The following SNTB1 variants were observed in gnomAD, a reference collection of about 807,000 sequenced individuals.
SNTB1 encodes the protein syntrophin beta 1.
SNTB1 carries 36 observed loss-of-function variants against 48.9 expected under a neutral mutation model. The observed-to-expected ratio is 0.74, with a 90% CI of 0.56 to 0.97. SNTB1 has a LOEUF of 0.97. Ranked by LOEUF, SNTB1 falls within the 50% of genes least tolerant of loss-of-function variation. The pLI is 0.00. For missense variants in SNTB1, 786 were observed against 703.4 expected (o/e 1.12, Z -1.33); for synonymous variants, 299 against 294.6 (o/e 1.01, Z -0.15).
At position 120,548,718 on chromosome 8, in the gene SNTB1, C is replaced by T. The variant is rs556927011; in HGVS notation, c.1333+44G>A. 7.6e-6 allele frequency: 12 copies of T among 1,582,218 alleles called. No individual in the cohort carries two copies. In the Middle Eastern group the frequency reaches 5.0e-4, roughly 66 times the overall value. On this transcript the variant is annotated intron_variant, in intron 5 of 6. Coordinates refer to ENST00000517992, the MANE Select transcript of SNTB1 (RefSeq NM_021021.4). ...GGCCCCGGTGGAGTAGAGGGTTCAT[C>T]TTCCCGTAACAATGTGTCCTTGGTA...
chr8:120,711,873 A>G (rs572249754), intron 1 of SNTB1, among the ~76,000 whole-genome samples: 1 of 152,086 alleles, frequency 6.6e-6, no homozygotes, highest in Non-Finnish European at 1.5e-5. Context: ...GAAAACATTC[A>G]TTTTCTTTTC....
At chr8:120,680,943 A>AAGTC (rs10699786) in intron 2 of SNTB1, among the ~76,000 whole-genome samples, 22,655 of 151,924 alleles carry the variant, frequency 0.15, 3,160 homozygotes, top group African/African-American at 0.37. Context: ...TGTATTGATG[A>AAGTC]AGTCATAGAA....
At chr8:120,618,270 T>C (rs1212178707) in intron 3 of SNTB1, among the ~76,000 whole-genome samples, 3 of 152,216 alleles carry the variant, frequency 2.0e-5, no homozygotes, top group African/African-American at 7.2e-5. Context: ...CCTCATTTGT[T>C]TGTGAGTTCC....
intron 2 of SNTB1, among the ~76,000 whole-genome samples, chr8:120,658,481 T>A (rs1237008334): frequency 6.6e-6 from 1 of 152,184 alleles, no homozygotes; most frequent in Non-Finnish European, 1.5e-5. Context: ...CACAATAAAG[T>A]AAATATGACC....
chr8:120,598,770 G>C (rs557021145), intron 3 of SNTB1, among the ~76,000 whole-genome samples: 1 of 152,308 alleles, frequency 6.6e-6, no homozygotes, highest in Admixed American at 6.5e-5. Flanking sequence ...TCCTCTAGGG[G>C]AGAGCCCTTT....
chr8:120,687,050 C>T (rs1308181187), intron 2 of SNTB1, among the ~76,000 whole-genome samples: 3 of 152,156 alleles, frequency 2.0e-5, no homozygotes, highest in Middle Eastern at 6.8e-3. Context: ...TCTTCATTCT[C>T]GATGCACTAA....
At chr8:120,811,027 C>G (rs574035556) in intron 1 of SNTB1, among the ~76,000 whole-genome samples, 1 of 152,286 alleles carries the variant, frequency 6.6e-6, no homozygotes, top group African/African-American at 2.4e-5. Flanking sequence ...TTCCATACAC[C>G]CCTCCTGGAT....
At chr8:120,557,463 G>A (rs1586993424) in intron 4 of SNTB1, among the ~76,000 whole-genome samples, 2 of 152,194 alleles carry the variant, frequency 1.3e-5, no homozygotes, top group African/African-American at 4.8e-5. Flanking sequence ...TGCTTACTCT[G>A]TAGGGGTTGT....
intron 1 of SNTB1, among the ~76,000 whole-genome samples, chr8:120,735,108 G>A (rs1408970452): frequency 6.6e-6 from 1 of 152,130 alleles, no homozygotes; most frequent in Non-Finnish European, 1.5e-5. Context: ...GGTGCAAGAG[G>A]GCTGTAGCAC....
Position 120,811,820 on chromosome 8 carries a change from C to T in SNTB1, c.24G>A (p.Ala8=), listed in dbSNP as rs757400654. The T allele has an allele frequency of 1.2e-5, 16 of 1,349,926 alleles. No homozygotes were observed. In the South Asian group the frequency reaches 2.8e-4, roughly 23 times the overall value. The allele number at this position is 1,349,926 out of a possible 1,614,324, so 83.6% of individuals were successfully genotyped here. A position where few individuals can be genotyped will look rare whatever the true frequency, so the allele number is the denominator to read the frequency against. ...CTCCCGCGCCAGCCGGCCCAGCCGC[C>T]GCCGCCGCCGCCGCTACCGCCATCT... MAVAAAA[A]AAGPAGAGGG... is the part of the protein sequence containing the mutation. Residue 8 remains alanine (A), a synonymous_variant, in exon 1 of 7, where the codon GCG becomes GCA. Coordinates refer to ENST00000517992, the MANE Select transcript of SNTB1 (RefSeq NM_021021.4).
chr8:120,741,919 A>T (rs1233072741), intron 1 of SNTB1, among the ~76,000 whole-genome samples: 1 of 152,250 alleles, frequency 6.6e-6, no homozygotes, highest in Non-Finnish European at 1.5e-5. Context: ...TGTATGTGAC[A>T]TGCAAAGCCT....
At chr8:120,616,428 T>C (rs1043061549) in intron 3 of SNTB1, among the ~76,000 whole-genome samples, 1 of 151,208 alleles carries the variant, frequency 6.6e-6, no homozygotes, top group Non-Finnish European at 1.5e-5. Context: ...GCCTTCCCAG[T>C]AAGCTAGAAC....
chr8:120,552,222 C>T (rs1815493212), intron 4 of SNTB1, among the ~76,000 whole-genome samples: 2 of 152,146 alleles, frequency 1.3e-5, no homozygotes, highest in Admixed American at 1.3e-4. Context: ...TTAGAAAATA[C>T]ACATTTGGTA....
intron 1 of SNTB1, among the ~76,000 whole-genome samples, chr8:120,774,592 G>T (rs1255926422): frequency 2.0e-5 from 3 of 152,166 alleles, no homozygotes; most frequent in African/African-American, 7.2e-5. Flanking sequence ...TAGCTTGGGA[G>T]CCTGGTGGCA....
chr8:120,803,629 A>G (rs1225003846), intron 1 of SNTB1, among the ~76,000 whole-genome samples: 1 of 152,160 alleles, frequency 6.6e-6, no homozygotes, highest in Non-Finnish European at 1.5e-5. Context: ...ATGTGGAGTG[A>G]GTTATTTTTA....
rs767924582 is a variant in SNTB1, at chr8:120,811,538, C to A, written c.306G>T (p.Val102=). 1 of 1,608,144 alleles carries A rather than the reference C, an allele frequency of 6.2e-7. No individual in the cohort carries two copies. ...GCTTCTGGTTCGAGATGGACTCGGG[C>A]ACCTGCTCGGGCAGGTCGGTGAAAG... ...RTAFTDLPEQ[V]PESISNQKRG... is the part of the protein sequence containing the mutation. The change falls in exon 1 of 7, where the codon GTG becomes GTT. Residue 102 remains valine, a synonymous_variant. Coordinates refer to ENST00000517992, the MANE Select transcript of SNTB1 (RefSeq NM_021021.4).
chr8:120,544,865 T>C (rs563126457), intron 5 of SNTB1, among the ~76,000 whole-genome samples: 13 of 150,238 alleles, frequency 8.7e-5, no homozygotes, highest in African/African-American at 3.2e-4. Flanking sequence ...CCTACAAGAC[T>C]TCAACAATGA....
At chr8:120,600,212 A>T (rs1177427836) in intron 3 of SNTB1, among the ~76,000 whole-genome samples, 1 of 152,228 alleles carries the variant, frequency 6.6e-6, no homozygotes, top group East Asian at 1.9e-4. Flanking sequence ...CAACTTCTGA[A>T]GCTGGGTTTG....
At chr8:120,602,384 A>G (rs929783333) in intron 3 of SNTB1, among the ~76,000 whole-genome samples, 1 of 152,204 alleles carries the variant, frequency 6.6e-6, no homozygotes, top group Admixed American at 6.5e-5. Flanking sequence ...GATGTGATTA[A>G]CACTTAATCA....
Sources: gnomAD v4.1 joint callset for allele counts (sites outside exome capture counted in the v4.1 genomes callset) on GRCh38, gnomAD v4.1.1 for gene constraint, MANE v1.5 for transcripts, NCBI Gene and HGNC (gene_info 2026-07-23, HGNC 2026-07-21) for gene names.